The following MTMR7 variants were observed in gnomAD, a reference collection of about 807,000 sequenced individuals.
The protein encoded by MTMR7 is phosphatidylinositol-3-phosphate phosphatase MTMR7.
Under a neutral mutation model 81.2 loss-of-function variants are expected in MTMR7, and 76 were observed. That is an observed-to-expected ratio of 0.94 (90% CI 0.78 to 1.13). MTMR7 has a LOEUF of 1.13. MTMR7 is among the 50% of genes most tolerant of loss of function. The probability of loss-of-function intolerance (pLI) is 0.00; values close to 1 mark genes in which losing one functional copy is unlikely to be tolerated. For missense variants in MTMR7, 1,044 were observed against 820.0 expected (o/e 1.27, Z -3.34); for synonymous variants, 372 against 289.8 (o/e 1.28, Z -2.88).
Position 17,349,013 on chromosome 8 carries a change from A to G in MTMR7, c.537T>C (p.Ser179=). 6.2e-7 allele frequency: 1 copy of G among 1,612,492 alleles called. No homozygotes were observed. The highest frequency in any genetic ancestry group is 1.7e-5 in the Admixed American group (1 of 59,702). The change falls in exon 5 of 14, where the codon AGT becomes AGC. Residue 179 remains serine, a synonymous_variant. Coordinates refer to ENST00000180173, the MANE Select transcript of MTMR7 (RefSeq NM_004686.5). The stretch of plus-strand genomic sequence containing the variant: ...ATCGCCGTCTACTCCGGAATTTGGA[A>G]CTCCCCACTATGATGTGTGCCGTGG... ...KSATAHIIVG[S]SKFRSRRRFP...
chr8:17,342,000 G>A (rs1989758), intron 5 of MTMR7, among the ~76,000 whole-genome samples: 14,405 of 151,562 alleles, frequency 0.095, 942 homozygotes, highest in Non-Finnish European at 0.15. Context: ...AAACTTTCAC[G>A]GTGACAAGAG....
intron 6 of MTMR7, chr8:17,338,612 A>G (rs866218759): frequency 6.6e-6 from 1 of 152,218 alleles, no homozygotes; most frequent in East Asian, 1.9e-4. Context: ...AGGCAGTCAC[A>G]TTAGAAGGAA....
intron 6 of MTMR7, among the ~76,000 whole-genome samples, chr8:17,340,995 C>T (rs1742415729): frequency 6.6e-6 from 1 of 152,174 alleles, no homozygotes; most frequent in African/African-American, 2.4e-5. Flanking sequence ...AATTGAACTG[C>T]TGGAGCTCCA....
intron 1 of MTMR7, among the ~76,000 whole-genome samples, chr8:17,408,847 T>C (rs1324665282): frequency 6.6e-6 from 1 of 152,184 alleles, no homozygotes; most frequent in Non-Finnish European, 1.5e-5. Context: ...GGCTAACTAC[T>C]AATGGATTTC....
intron 1 of MTMR7, among the ~76,000 whole-genome samples, chr8:17,375,893 G>C (rs1462959449): frequency 6.6e-6 from 1 of 152,152 alleles, no homozygotes; most frequent in African/African-American, 2.4e-5. Context: ...TTTGTTGAAT[G>C]ACAGCTCTGT....
intron 7 of MTMR7, among the ~76,000 whole-genome samples, chr8:17,315,027 C>T (rs915145421): frequency 3.1e-5 from 4 of 127,188 alleles, no homozygotes; most frequent in Admixed American, 7.9e-5. Context: ...TATATATTAG[C>T]CCTGTGGCCC....
At chr8:17,389,716 T>C (rs1466544935) in intron 1 of MTMR7, among the ~76,000 whole-genome samples, 3 of 152,140 alleles carry the variant, frequency 2.0e-5, no homozygotes, top group African/African-American at 7.2e-5. Flanking sequence ...AAGATTCAGC[T>C]GTGGAAGATG....
At chr8:17,348,590 G>A (rs1563350800) in intron 5 of MTMR7, among the ~76,000 whole-genome samples, 1 of 148,786 alleles carries the variant, frequency 6.7e-6, no homozygotes, top group Non-Finnish European at 1.5e-5. Context: ...AAAAGAATGG[G>A]CCATGGACTT....
intron 5 of MTMR7, among the ~76,000 whole-genome samples, chr8:17,346,884 T>TAAAAA (rs55910829): frequency 1.5e-5 from 1 of 65,036 alleles, no homozygotes; most frequent in Non-Finnish European, 2.9e-5. Flanking sequence ...CCTATCTTAA[T>TAAAAA]AAAAAAAAAA....
intron 4 of MTMR7, among the ~76,000 whole-genome samples, chr8:17,356,769 C>T (rs899967459): frequency 6.6e-6 from 1 of 151,980 alleles, no homozygotes; most frequent in Non-Finnish European, 1.5e-5. Flanking sequence ...CTATTAAATC[C>T]ACAGAATAAA....
chr8:17,375,187 C>T (rs1056813861), intron 1 of MTMR7, among the ~76,000 whole-genome samples: 10 of 152,064 alleles, frequency 6.6e-5, no homozygotes, highest in African/African-American at 2.2e-4. Flanking sequence ...TAGCAGACCT[C>T]GTGAACATTC....
intron 6 of MTMR7, among the ~76,000 whole-genome samples, chr8:17,331,776 C>T (rs1819016565): frequency 1.3e-5 from 2 of 152,126 alleles, no homozygotes; most frequent in African/African-American, 4.8e-5. Flanking sequence ...CCACAAGATC[C>T]CTCAGATGCC....
chr8:17,319,552 A>G (rs1428297479), intron 7 of MTMR7, among the ~76,000 whole-genome samples: 1 of 152,226 alleles, frequency 6.6e-6, no homozygotes, highest in African/African-American at 2.4e-5. Context: ...GGTGGGTTTT[A>G]CCAGAAATAA....
chr8:17,302,772 G>C (rs1451828885), intron 12 of MTMR7, among the ~76,000 whole-genome samples: 3 of 136,718 alleles, frequency 2.2e-5, no homozygotes, highest in Non-Finnish European at 4.6e-5. Flanking sequence ...AAGTGCAGTG[G>C]TGTGATATCG....
intron 3 of MTMR7, among the ~76,000 whole-genome samples, chr8:17,368,139 G>A (rs1039789193): frequency 7.9e-5 from 12 of 151,964 alleles, no homozygotes; most frequent in Non-Finnish European, 1.5e-4. Context: ...AGATCATCAG[G>A]AGCACACAAC....
chr8:17,327,744 G>A (rs974586845), intron 7 of MTMR7, among the ~76,000 whole-genome samples: 1 of 152,142 alleles, frequency 6.6e-6, no homozygotes, highest in African/African-American at 2.4e-5. Flanking sequence ...ATTCTTTTGA[G>A]TATTGAATAT....
chr8:17,313,477 GTTTGTTAATGATTCC>G, intron 7 of MTMR7, 76 bp from the exon 8 acceptor site: 1 of 904,502 alleles, frequency 1.1e-6, no homozygotes, highest in Non-Finnish European at 1.7e-6. Flanking sequence ...TTTATAGGTA[GTTTGTTAATGATTCC>G]TTTGTTGTAT....
intron 3 of MTMR7, among the ~76,000 whole-genome samples, chr8:17,368,132 T>C (rs990512507): frequency 2.0e-5 from 3 of 151,984 alleles, no homozygotes; most frequent in Non-Finnish European, 4.4e-5. Context: ...CCACCTCAGA[T>C]CATCAGGAGC....
chr8:17,370,687 G>C (rs1820391643), intron 3 of MTMR7, among the ~76,000 whole-genome samples: 1 of 151,148 alleles, frequency 6.6e-6, no homozygotes, highest in South Asian at 2.1e-4. Flanking sequence ...CAAAACAACT[G>C]ATTAGTTCTG....
Sources: gnomAD v4.1 joint callset for allele counts (sites outside exome capture counted in the v4.1 genomes callset) on GRCh38, gnomAD v4.1.1 for gene constraint, MANE v1.5 for transcripts, NCBI Gene and HGNC (gene_info 2026-07-23, HGNC 2026-07-21) for gene names.